The following LENG9 variants were observed in gnomAD, a reference collection of about 807,000 sequenced individuals.
The protein encoded by LENG9 is leukocyte receptor cluster (LRC) member 9.
For synonymous variants in LENG9, 410 were observed against 303.9 expected, an observed-to-expected ratio of 1.35 and a Z score of -3.63; for missense variants, 872 against 652.7, an observed-to-expected ratio of 1.34 and a Z score of -3.66.
rs114003509 is a variant in LENG9 at position 54,462,855 on chromosome 19, A to G, written c.672T>C (p.Asp224=). The part of the protein sequence containing the change: ...AQERALGTAA[D]LGTLAPRGRL... The stretch of plus-strand genomic sequence containing the variant: ...GTCCTCTTGGGGCCAGTGTTCCCAA[A>G]TCAGCAGCTGTGCCCAGCGCCCTCT... The change falls in exon 1 of 1, where the codon GAT becomes GAC. Residue 224 remains aspartate (D), a synonymous_variant. Transcript: ENST00000611161. The G allele has an allele frequency of 2.4e-4, 383 of 1,612,572 alleles. 2 individuals are homozygous for G. The East Asian group carries it at 4.1e-3, about 17-fold the overall frequency.
At position 54,461,920 on chromosome 19, in the gene LENG9, C is replaced by G; in HGVS notation, c.*170G>C. ...TCCTCCTCTGCCTCCCCTTCCCCTCCTCTCCCCTCCTTTTCCTTCCTTCCT... is the reference window on the plus strand; with the variant it reads ...TCCTCCTCTGCCTCCCCTTCCCCTCGTCTCCCCTCCTTTTCCTTCCTTCCT... On this transcript the variant is annotated 3_prime_UTR_variant, in exon 1 of 1. Coordinates refer to ENST00000611161, the MANE Select transcript of LENG9 (RefSeq NM_001301782.2). 1 of 910,998 alleles carries G rather than the reference C, an allele frequency of 1.1e-6. No homozygotes were observed. Among genetic ancestry groups the G allele is most frequent in the South Asian group, 1.3e-5 (1 of 75,648 alleles). The allele number at this position is 910,998 out of a possible 1,614,324, so 56.4% of individuals were successfully genotyped here.
chr19:54,462,607 T>G lies in LENG9; in HGVS notation c.920A>C (p.Glu307Ala). ...GGTCACTTCTGCTTGTAGCCCAGGC[T>G]CGGTCACCATGAGGGCCACAAAATG... is the stretch of plus-strand genomic sequence containing the variant. ...PTHFVALMVT[E>A]PGLQAEVTKA... The change falls in exon 1 of 1, where the codon GAG (glutamate) becomes GCG (alanine). Residue 307 changes from glutamate (E) to alanine (A), a missense_variant. Transcript: ENST00000611161. 1 of 1,613,820 alleles carries G rather than the reference T, an allele frequency of 6.2e-7. No individual in the cohort carries two copies. The highest frequency in any genetic ancestry group is 8.5e-7 in the Non-Finnish European group (1 of 1,180,012).
rs374757284 is a variant in LENG9 at position 54,462,445 on chromosome 19, C to T, written c.1082G>A (p.Arg361Lys). 1.9e-6 allele frequency: 3 copies of T among 1,613,540 alleles called. No individual in the cohort carries two copies. Among genetic ancestry groups the T allele is most frequent in the South Asian group, 1.1e-5 (1 of 91,082 alleles). Residue 361 changes from arginine to lysine, a missense_variant, in exon 1 of 1, where the codon AGA becomes AAA. Transcript: ENST00000611161. ...TAGCCCCGGGGCCAAGAGGGCCCGT[C>T]TCAGAGCTCCAATGGCAGCGGCCTC... The part of the protein sequence containing the change: ...GEEAAAIGAL[R>K]RALLAPGLNA...
Position 54,462,702 on chromosome 19 carries a change from ACC to A in LENG9, c.823_824del (p.Gly275SerfsTer13). ...GSAETTEAEW[G>X]PAAWPEDKRA... is the part of the protein sequence containing the mutation. ...TTTTGTCCTCGGGCCAGGCCGCAGG[ACC>A]CCACTCGGCTTCTGTCGTCTCAGCG... On this transcript the variant is annotated frameshift_variant, in exon 1 of 1. Coordinates refer to ENST00000611161, the MANE Select transcript of LENG9 (RefSeq NM_001301782.2). LOFTEE classifies it low-confidence loss of function (END_TRUNC). The A allele has an allele frequency of 6.2e-7, 1 of 1,610,388 alleles. No individual in the cohort carries two copies. Among genetic ancestry groups the A allele is most frequent in the Non-Finnish European group, 8.5e-7 (1 of 1,179,902 alleles).
rs1473815191 is a variant in LENG9 at position 54,463,470 on chromosome 19, C to A, written c.57G>T (p.Ala19=). Residue 19 remains alanine, a synonymous_variant, in exon 1 of 1, where the codon GCG becomes GCT. Coordinates refer to ENST00000611161, the MANE Select transcript of LENG9 (RefSeq NM_001301782.2). The part of the protein sequence containing the change: ...LPQEAPATEP[A]PPPACRFFLE... ...GGAAGAAGCGGCAGGCCGGCGGGGG[C>A]GCGGGTTCCGTGGCGGGGGCTTCCT... 4.6e-6 allele frequency: 6 copies of A among 1,292,778 alleles called. No homozygotes were observed. Among genetic ancestry groups the A allele is most frequent in the Admixed American group, 7.6e-5 (2 of 26,358 alleles). The allele number at this position is 1,292,778 out of a possible 1,614,324, so 80.1% of individuals were successfully genotyped here.
Position 54,462,128 on chromosome 19 carries a change from C to A in LENG9, c.1399G>T (p.Gly467Trp). Residue 467 changes from glycine (G) to tryptophan (W), a missense_variant, in exon 1 of 1, where the codon GGG (glycine) becomes TGG (tryptophan). Physicochemically the swap from Gly to Trp is radical, Grantham distance 184 (BLOSUM62 -2). Coordinates refer to ENST00000611161, the MANE Select transcript of LENG9 (RefSeq NM_001301782.2). Reference protein sequence around the residue: ...LWLCRIGRTGGPFQPLAEIPL... With the variant: ...LWLCRIGRTGWPFQPLAEIPL... Reference sequence around the variant, plus strand: ...ATCTCAGCCAGGGGCTGGAAAGGCCCCCCTGTCCTCCCTATACGGCACAGC... The same window carrying A: ...ATCTCAGCCAGGGGCTGGAAAGGCCACCCTGTCCTCCCTATACGGCACAGC... The A allele has an allele frequency of 6.3e-7, 1 of 1,584,634 alleles. No homozygotes were observed. The highest frequency in any genetic ancestry group is 8.6e-7 in the Non-Finnish European group (1 of 1,163,798).
In LENG9 at chr19:54,461,929, C is replaced by T; in HGVS notation, c.*161G>A. On this transcript the variant is annotated 3_prime_UTR_variant, in exon 1 of 1. Coordinates refer to ENST00000611161, the MANE Select transcript of LENG9 (RefSeq NM_001301782.2). ...GCCTCCCCTTCCCCTCCTCTCCCCT[C>T]CTTTTCCTTCCTTCCTTCCTTTCCT... 1.1e-6 allele frequency: 1 copy of T among 949,064 alleles called. No individual in the cohort carries two copies. The highest frequency in any genetic ancestry group is 2.4e-5 in the East Asian group (1 of 41,776). 58.8% of individuals were successfully genotyped at this position (949,064 alleles called of 1,614,324 possible). A position where few individuals can be genotyped will look rare whatever the true frequency, so the allele number is the denominator to read the frequency against.
Position 54,461,835 on chromosome 19 carries a change from G to T in LENG9, c.*255C>A. ...TCCCTCCCTCTTCTGCCATGTAACT[G>T]GAGGATGTGCTATGAGTTTGCAAAC... On this transcript the variant is annotated 3_prime_UTR_variant, in exon 1 of 1. Coordinates refer to ENST00000611161, the MANE Select transcript of LENG9 (RefSeq NM_001301782.2). 7 of 533,334 alleles carry T rather than the reference G, an allele frequency of 1.3e-5. No individual in the cohort carries two copies. Among genetic ancestry groups the T allele is most frequent in the Non-Finnish European group, 2.2e-5 (6 of 269,094 alleles). The allele number at this position is 533,334 out of a possible 1,614,324, so 33.0% of individuals were successfully genotyped here.
Position 54,462,556 on chromosome 19 carries a change from A to G in LENG9, c.971T>C (p.Val324Ala), listed in dbSNP as rs530450328. Residue 324 changes from valine to alanine, a missense_variant, in exon 1 of 1, where the codon GTG becomes GCG. Val to Ala is a moderately conservative substitution (Grantham distance 64, BLOSUM62 0). Transcript: ENST00000611161. ...TAGGAAGTTGGCGCAGTGTGGGGCC[A>G]CGTGGACCAGGTATTCCTGGGCCTT... is the stretch of plus-strand genomic sequence containing the variant. ...VTKAQEYLVH[V>A]APHCANFLVP... The G allele has an allele frequency of 6.4e-5, 104 of 1,613,734 alleles. 1 individual carries two copies. The South Asian group carries it at 1.1e-3, about 17-fold the overall frequency.
rs781374579 is a variant in LENG9, at chr19:54,462,446, T to C, written c.1081A>G (p.Arg361Gly). 2.2e-5 allele frequency: 35 copies of C among 1,613,544 alleles called. No individual in the cohort carries two copies. Among genetic ancestry groups the C allele is most frequent in the African/African-American group, 4.0e-5 (3 of 75,066 alleles). The change falls in exon 1 of 1, where the codon AGA becomes GGA. Residue 361 changes from arginine to glycine, a missense_variant. By Grantham distance (125) the Arg-to-Gly change is moderately radical (BLOSUM62 -2). Transcript: ENST00000611161. ...GEEAAAIGALRRALLAPGLNA... is the reference protein window; with the variant it reads ...GEEAAAIGALGRALLAPGLNA... ...AGCCCCGGGGCCAAGAGGGCCCGTCTCAGAGCTCCAATGGCAGCGGCCTCC... is the reference window on the plus strand; with the variant it reads ...AGCCCCGGGGCCAAGAGGGCCCGTCCCAGAGCTCCAATGGCAGCGGCCTCC...
rs1482695380 is a variant in LENG9 at position 54,463,206 on chromosome 19, G to A, written c.321C>T (p.Asp107=). ...REEPFSAFCW[D]QPLAALGPGV... is the part of the protein sequence containing the mutation. ...CCGGCCCGAGCGCCGCCAGCGGCTGGTCCCAGCAAAAGGCGCTGAAGGGCT... is the reference window on the plus strand; with the variant it reads ...CCGGCCCGAGCGCCGCCAGCGGCTGATCCCAGCAAAAGGCGCTGAAGGGCT... Residue 107 remains aspartate (D), a synonymous_variant, in exon 1 of 1, where the codon GAC becomes GAT. Transcript: ENST00000611161. The A allele has an allele frequency of 6.4e-7, 1 of 1,558,234 alleles. No individual in the cohort carries two copies.
In LENG9 at chr19:54,461,822, C is replaced by G; in HGVS notation, c.*268G>C. Reference sequence around the variant, plus strand: ...TTTTGGCCCTCCCTCCCTCCCTCTTCTGCCATGTAACTGGAGGATGTGCTA... The same window carrying G: ...TTTTGGCCCTCCCTCCCTCCCTCTTGTGCCATGTAACTGGAGGATGTGCTA... On this transcript the variant is annotated 3_prime_UTR_variant, in exon 1 of 1. Coordinates refer to ENST00000611161, the MANE Select transcript of LENG9 (RefSeq NM_001301782.2). 1 of 496,530 alleles carries G rather than the reference C, an allele frequency of 2.0e-6. No homozygotes were observed. Among genetic ancestry groups the G allele is most frequent in the South Asian group, 1.6e-5 (1 of 64,434 alleles). The allele number at this position is 496,530 out of a possible 1,614,324, so 30.8% of individuals were successfully genotyped here.
In LENG9 at chr19:54,463,291, C is replaced by G. The variant is rs1345633991; in HGVS notation, c.236G>C (p.Arg79Pro). The G allele has an allele frequency of 6.5e-7, 1 of 1,537,490 alleles. No homozygotes were observed. The highest frequency in any genetic ancestry group is 1.9e-5 in the Admixed American group (1 of 51,386). Residue 79 changes from arginine to proline, a missense_variant, in exon 1 of 1, where the codon CGC becomes CCC. Physicochemically the swap from Arg to Pro is moderately radical, Grantham distance 103. Transcript: ENST00000611161. ...CACCGAGAAGTCGGCGGGGTCGAGG[C>G]GCGGGTCCCAGCGGATGCGCTGGAT... is the stretch of plus-strand genomic sequence containing the variant. ...DVIQRIRWDP[R>P]LDPADFSVGY...
At position 54,463,284 on chromosome 19, in the gene LENG9, G is replaced by A. The variant is rs1364609134; in HGVS notation, c.243C>T (p.Asp81=). The change falls in exon 1 of 1, where the codon GAC becomes GAT. Residue 81 remains aspartate (D), a synonymous_variant. Transcript: ENST00000611161. The part of the protein sequence containing the change: ...IQRIRWDPRL[D]PADFSVGYVD... The stretch of plus-strand genomic sequence containing the variant: ...CGTAGCCCACCGAGAAGTCGGCGGG[G>A]TCGAGGCGCGGGTCCCAGCGGATGC... The A allele has an allele frequency of 1.9e-6, 3 of 1,539,132 alleles. No individual in the cohort carries two copies. Among genetic ancestry groups the A allele is most frequent in the South Asian group, 1.2e-5 (1 of 84,232 alleles).
In LENG9 at chr19:54,462,697, G is replaced by GC. The variant is rs2084630720; in HGVS notation, c.829dup (p.Ala277GlyfsTer12). The GC allele has an allele frequency of 3.1e-6, 5 of 1,610,802 alleles. No individual in the cohort carries two copies. Among genetic ancestry groups the GC allele is most frequent in the Non-Finnish European group, 4.2e-6 (5 of 1,180,004 alleles). On this transcript the variant is annotated frameshift_variant, in exon 1 of 1. Transcript: ENST00000611161. LOFTEE classifies it low-confidence loss of function (END_TRUNC). Reference sequence around the variant, plus strand: ...GGCCCTTTTGTCCTCGGGCCAGGCCGCAGGACCCCACTCGGCTTCTGTCGT... The same window carrying GC: ...GGCCCTTTTGTCCTCGGGCCAGGCCGCCAGGACCCCACTCGGCTTCTGTCGT...
Position 54,462,338 on chromosome 19 carries a change from C to T in LENG9, c.1189G>A (p.Glu397Lys). Residue 397 changes from glutamate (E) to lysine (K), a missense_variant, in exon 1 of 1, where the codon GAA (glutamate) becomes AAA (lysine). Coordinates refer to ENST00000611161, the MANE Select transcript of LENG9 (RefSeq NM_001301782.2). ...TGGCTCAGCACTTGTGCCATGCTTT[C>T]CAGTGTGGGAGAGGGTGGGGCACAC... ...VLCAPPSPTLESMAQVLSQRL... is the reference protein window; with the variant it reads ...VLCAPPSPTLKSMAQVLSQRL... 6.2e-7 allele frequency: 1 copy of T among 1,608,500 alleles called. No homozygotes were observed. The highest frequency in any genetic ancestry group is 8.5e-7 in the Non-Finnish European group (1 of 1,176,330).
rs965671437 is a variant in LENG9 at position 54,461,937 on chromosome 19, T to C, written c.*153A>G. 6 of 979,058 alleles carry C rather than the reference T, an allele frequency of 6.1e-6. No homozygotes were observed. Among genetic ancestry groups the C allele is most frequent in the Middle Eastern group, 2.1e-4 (1 of 4,818 alleles). 60.6% of individuals were successfully genotyped at this position (979,058 alleles called of 1,614,324 possible). Reference sequence around the variant, plus strand: ...TTCCCCTCCTCTCCCCTCCTTTTCCTTCCTTCCTTCCTTTCCTTGGAGCAC... The same window carrying C: ...TTCCCCTCCTCTCCCCTCCTTTTCCCTCCTTCCTTCCTTTCCTTGGAGCAC... On this transcript the variant is annotated 3_prime_UTR_variant, in exon 1 of 1. Transcript: ENST00000611161.
Position 54,462,939 on chromosome 19 carries a change from G to T in LENG9, c.588C>A (p.Leu196=), listed in dbSNP as rs2084642078. The change falls in exon 1 of 1, where the codon CTC becomes CTA. Residue 196 remains leucine (L), a synonymous_variant. Transcript: ENST00000611161. ...CGCCTGGTTCCTGGTGCCCTGTGCA[G>T]AGCGGCCTTGTGCTCCCTCGCTTGG... The part of the protein sequence containing the change: ...AAPKRGSTRP[L]CTGHQEPGVE... The T allele has an allele frequency of 2.5e-6, 4 of 1,611,770 alleles. No individual in the cohort carries two copies. The African/African-American group carries it at 5.3e-5, about 21-fold the overall frequency.
At position 54,463,357 on chromosome 19, in the gene LENG9, G is replaced by GC; in HGVS notation, c.169dup (p.Ala57GlyfsTer168). ...GCGCAGCGGCGGCTTCTTGGCCCCGGCCTCCGGCTGCGCCTCGCGGCCAGG... is the reference window on the plus strand; with the variant it reads ...GCGCAGCGGCGGCTTCTTGGCCCCGGCCCTCCGGCTGCGCCTCGCGGCCAGG... On this transcript the variant is annotated frameshift_variant, in exon 1 of 1. Coordinates refer to ENST00000611161, the MANE Select transcript of LENG9 (RefSeq NM_001301782.2). LOFTEE classifies it low-confidence loss of function (END_TRUNC). 1 of 1,361,730 alleles carries GC rather than the reference G, an allele frequency of 7.3e-7. No homozygotes were observed. Among genetic ancestry groups the GC allele is most frequent in the South Asian group, 1.7e-5 (1 of 58,646 alleles). The allele number at this position is 1,361,730 out of a possible 1,614,324, so 84.4% of individuals were successfully genotyped here.
Sources: allele counts gnomAD v4.1 joint callset, GRCh38; gene constraint gnomAD v4.1.1; transcripts MANE v1.5; gene names NCBI Gene and HGNC (gene_info 2026-07-23, HGNC 2026-07-21).